The following KCNG1 variants were observed in gnomAD, a reference collection of about 807,000 sequenced individuals.
The protein encoded by KCNG1 is potassium voltage-gated channel modifier subfamily G member 1.
A neutral mutation model predicts 32.4 loss-of-function variants in KCNG1; 17 were observed. That is an observed-to-expected ratio of 0.52 (90% CI 0.36 to 0.79). KCNG1 has a LOEUF of 0.79. Ranked by LOEUF, KCNG1 falls within the 30% of genes least tolerant of loss-of-function variation. KCNG1 has a pLI of 0.00. For missense variants in KCNG1, 441 were observed against 735.2 expected (o/e 0.60, Z 4.63); for synonymous variants, 358 against 339.9 (o/e 1.05, Z -0.59).
Position 51,015,296 on chromosome 20 carries a change from G to A in KCNG1, c.-26-4932C>T, listed in dbSNP as rs571532938. Among the ~76,000 whole-genome samples, 13 of 152,288 alleles carry A rather than the reference G, an allele frequency of 8.5e-5. No homozygotes were observed. Among genetic ancestry groups the A allele is most frequent in the African/African-American group, 2.6e-4 (11 of 41,556 alleles). On this transcript the variant is annotated intron_variant, in intron 1 of 2. Transcript: ENST00000371571. This position sits in a 1 kb window ranked among gnomAD's most constrained non-coding sequence, Gnocchi z 4.4. ...CAGGATTCCAGGGGTGCCATTTACC[G>A]AGGCGACGGATAGGTGGCGCTATGG...
rs926785312 is a variant in KCNG1 at position 51,015,933 on chromosome 20, A to G, written c.-26-5569T>C. ...GGCTTTGAAGATGGAGGAAGGGGCC[A>G]TGAATCAAGGAATGCAGGTGGCCTC... On this transcript the variant is annotated intron_variant, in intron 1 of 2. Coordinates refer to ENST00000371571, the MANE Select transcript of KCNG1 (RefSeq NM_002237.4). This position sits in a 1 kb window ranked among gnomAD's most constrained non-coding sequence, Gnocchi z 4.4. Among the ~76,000 whole-genome samples, 1 of 152,214 alleles carries G rather than the reference A, an allele frequency of 6.6e-6. No individual in the cohort carries two copies. The highest frequency in any genetic ancestry group is 6.5e-5 in the Admixed American group (1 of 15,288).
At chr20:51,014,514 G>A (rs371385702) in intron 1 of KCNG1, among the ~76,000 whole-genome samples, 78 of 152,328 alleles carry the variant, frequency 5.1e-4, no homozygotes, top group Non-Finnish European at 9.0e-4. Flanking sequence ...CAGAGGCTGC[G>A]ATGGGGGAGA....
At chr20:51,021,354 T>TA (rs1380197198) in intron 1 of KCNG1, among the ~76,000 whole-genome samples, 3 of 152,074 alleles carry the variant, frequency 2.0e-5, no homozygotes, top group Non-Finnish European at 2.9e-5. Context: ...GAGGCACAAA[T>TA]AGAGCTCAGG....
At position 51,004,150 on chromosome 20, in the gene KCNG1, C is replaced by A; in HGVS notation, c.1431G>T (p.Val477=). 1 of 1,614,236 alleles carries A rather than the reference C, an allele frequency of 6.2e-7. No individual in the cohort carries two copies. The highest frequency in any genetic ancestry group is 8.5e-7 in the Non-Finnish European group (1 of 1,180,038). ...YLELKQEQER[V]MFRRAQFLIK... ...TGAGGAACTGCGCCCTCCGGAACAT[C>A]ACCCTCTCTTGCTCCTGCTTGAGCT... The change falls in exon 3 of 3, where the codon GTG becomes GTT. Residue 477 remains valine, a synonymous_variant. Transcript: ENST00000371571. The surrounding 1 kb of genome is among the most constrained non-coding windows in gnomAD (Gnocchi z 4.3).
intron 1 of KCNG1, 119 bp downstream of exon 1, chr20:51,022,751 C>T (rs1988527612): frequency 6.6e-6 from 1 of 152,388 alleles, no homozygotes; most frequent in East Asian, 1.9e-4. Flanking sequence ...TTCGAGGCCC[C>T]CGCAGGGAGT....
intron 1 of KCNG1, among the ~76,000 whole-genome samples, chr20:51,019,484 T>A (rs1988392806): frequency 6.6e-6 from 1 of 151,974 alleles, no homozygotes; most frequent in Non-Finnish European, 1.5e-5. Flanking sequence ...GCACTCCAGC[T>A]GGGTGATAGA....
chr20:51,021,988 T>C (rs1007949633), intron 1 of KCNG1, among the ~76,000 whole-genome samples: 1 of 152,280 alleles, frequency 6.6e-6, no homozygotes, highest in Admixed American at 6.5e-5. Context: ...TCTGCCTATA[T>C]ACATGGGCTG....
intron 2 of KCNG1, among the ~76,000 whole-genome samples, chr20:51,008,498 T>TA (rs1555830666): frequency 1.0e-4 from 6 of 59,334 alleles, no homozygotes; most frequent in African/African-American, 2.5e-4. Flanking sequence ...CCTGGCTAAT[T>TA]AAATTTTTTT....
Position 51,009,747 on chromosome 20 carries a change from C to T in KCNG1, c.592G>A (p.Gly198Ser). The change falls in exon 2 of 3, where the codon GGC (glycine) becomes AGC (serine). Residue 198 changes from glycine to serine, a missense_variant. By Grantham distance (56) the Gly-to-Ser change is moderately conservative (BLOSUM62 0). This residue lies in a region of KCNG1 where 52 missense variants were observed against 50.3 expected (regional missense o/e 1.03). Coordinates refer to ENST00000371571, the MANE Select transcript of KCNG1 (RefSeq NM_002237.4). ...ALDSEGRDSE[G>S]PAEGEGRLGR... ...AGGCGGCCCTCGCCCTCGGCCGGGC[C>T]CTCGCTGTCGCGGCCCTCGCTGTCC... The T allele has an allele frequency of 6.2e-7, 1 of 1,608,702 alleles. No individual in the cohort carries two copies.
chr20:51,009,733 G>A lies in KCNG1; in HGVS notation c.606C>T (p.Gly202=), dbSNP rs761895378. The change falls in exon 2 of 3, where the codon GGC becomes GGT. Residue 202 remains glycine (G), a synonymous_variant. Transcript: ENST00000371571. ...GCATGCAGCGCCCCAGGCGGCCCTCGCCCTCGGCCGGGCCCTCGCTGTCGC... is the reference window on the plus strand; with the variant it reads ...GCATGCAGCGCCCCAGGCGGCCCTCACCCTCGGCCGGGCCCTCGCTGTCGC... ...EGRDSEGPAE[G]EGRLGRCMRR... is the part of the protein sequence containing the mutation. 1.2e-6 allele frequency: 2 copies of A among 1,606,490 alleles called. No homozygotes were observed. The highest frequency in any genetic ancestry group is 2.2e-5 in the South Asian group (2 of 90,952).
chr20:51,021,800 A>G (rs558279593), intron 1 of KCNG1, among the ~76,000 whole-genome samples: 6 of 152,214 alleles, frequency 3.9e-5, no homozygotes, highest in African/African-American at 1.2e-4. Context: ...CATAAACCCC[A>G]TTGGTGGGAA....
chr20:51,011,658 T>C (rs1601099596), intron 1 of KCNG1, among the ~76,000 whole-genome samples: 2 of 152,376 alleles, frequency 1.3e-5, no homozygotes, highest in East Asian at 1.9e-4. Flanking sequence ...TCAACCTTGA[T>C]GTGTCTTAAT....
chr20:51,004,188 G>C lies in KCNG1; in HGVS notation c.1393C>G (p.Arg465Gly), dbSNP rs1380030792. The C allele has an allele frequency of 6.2e-7, 1 of 1,614,158 alleles. No individual in the cohort carries two copies. Among genetic ancestry groups the C allele is most frequent in the Admixed American group, 1.7e-5 (1 of 60,028 alleles). Residue 465 changes from arginine (R) to glycine (G), a missense_variant, in exon 3 of 3, where the codon CGC becomes GGC. Arg to Gly is a moderately radical substitution (Grantham distance 125, BLOSUM62 -2). This residue lies in a region of KCNG1 where 53 missense variants were observed against 79.1 expected (regional missense o/e 0.67). Coordinates refer to ENST00000371571, the MANE Select transcript of KCNG1 (RefSeq NM_002237.4). This position sits in a 1 kb window ranked among gnomAD's most constrained non-coding sequence, Gnocchi z 4.3. ...TCCTGCTTGAGCTCCAGGTAGGAGCGGGAGAAGGTGTGGAAGATGGAGGTG... is the reference window on the plus strand; with the variant it reads ...TCCTGCTTGAGCTCCAGGTAGGAGCCGGAGAAGGTGTGGAAGATGGAGGTG... ...PVTSIFHTFS[R>G]SYLELKQEQE...
At chr20:51,007,465 C>A (rs6063580) in intron 2 of KCNG1, among the ~76,000 whole-genome samples, 1 of 152,004 alleles carries the variant, frequency 6.6e-6, no homozygotes, top group Non-Finnish European at 1.5e-5. Context: ...GGATTACAGG[C>A]GTGAGCCACC....
chr20:51,009,539 T>C lies in KCNG1; in HGVS notation c.774+26A>G, dbSNP rs75615252. The C allele has an allele frequency of 1.0e-3, 1,572 of 1,556,586 alleles. 16 individuals carry two copies. In the African/African-American group the frequency reaches 0.019, roughly 19 times the overall value. ...GAGTCCCTTCCCTCGTGGTGGCGCG[T>C]TTCCCCGCGGGGCGTGGGCTCTTAC... On this transcript the variant is annotated intron_variant, in intron 2 of 2. Coordinates refer to ENST00000371571, the MANE Select transcript of KCNG1 (RefSeq NM_002237.4).
rs1191523065 is a variant in KCNG1 at position 51,004,640 on chromosome 20, A to C, written c.941T>G (p.Ile314Ser). ...IDLVAILPYY[I>S]TLLVDGAAAG... ...GGCGGCGCCGTCCACCAGCAGCGTGATGTAGTAGGGCAGGATGGCCACCAG... is the reference window on the plus strand; with the variant it reads ...GGCGGCGCCGTCCACCAGCAGCGTGCTGTAGTAGGGCAGGATGGCCACCAG... Residue 314 changes from isoleucine to serine, a missense_variant, in exon 3 of 3, where the codon ATC (isoleucine) becomes AGC (serine). Coordinates refer to ENST00000371571, the MANE Select transcript of KCNG1 (RefSeq NM_002237.4). The surrounding 1 kb of genome is among the most constrained non-coding windows in gnomAD (Gnocchi z 4.3). 1.3e-6 allele frequency: 2 copies of C among 1,599,814 alleles called. No homozygotes were observed. Among genetic ancestry groups the C allele is most frequent in the South Asian group, 2.2e-5 (2 of 89,078 alleles).
In KCNG1 at chr20:51,010,111, C is replaced by G. The variant is rs773651586; in HGVS notation, c.228G>C (p.Leu76=). ...GGAACTCGTCCAGCGTGGTCCAGGGCAGCGAGTACTTGATGCCGCCTACGT... is the reference window on the plus strand; with the variant it reads ...GGAACTCGTCCAGCGTGGTCCAGGGGAGCGAGTACTTGATGCCGCCTACGT... ...IINVGGIKYS[L]PWTTLDEFPL... The change falls in exon 2 of 3, where the codon CTG becomes CTC. Residue 76 remains leucine, a synonymous_variant. Transcript: ENST00000371571. The G allele has an allele frequency of 1.9e-6, 3 of 1,613,900 alleles. No homozygotes were observed. The South Asian group carries it at 3.3e-5, about 18-fold the overall frequency.
chr20:51,021,121 A>G (rs1170977086), intron 1 of KCNG1, among the ~76,000 whole-genome samples: 3 of 152,182 alleles, frequency 2.0e-5, no homozygotes, highest in African/African-American at 7.2e-5. Context: ...CTGGGCTCTC[A>G]AGTCTCAGGA....
chr20:51,007,534 G>C (rs1568797057), intron 2 of KCNG1, among the ~76,000 whole-genome samples: 2 of 131,960 alleles, frequency 1.5e-5, no homozygotes, highest in Non-Finnish European at 3.3e-5. Flanking sequence ...TAACCTTACT[G>C]GTTGAATGCT....
Sources: allele counts gnomAD v4.1 joint callset (sites outside exome capture counted in the v4.1 genomes callset), GRCh38; gene constraint gnomAD v4.1.1; regional missense constraint gnomAD v4.1.1; non-coding constraint Gnocchi (gnomAD v3.1); transcripts MANE v1.5; gene names NCBI Gene and HGNC (gene_info 2026-07-23, HGNC 2026-07-21).